Variants in POLH observed in about 807,000 individuals in gnomAD.
POLH encodes the protein DNA polymerase eta.
Under a neutral mutation model 73.6 loss-of-function variants are expected in POLH, and 53 were observed. The observed-to-expected ratio is 0.72, with a 90% CI of 0.58 to 0.91. POLH has a LOEUF of 0.91. POLH is among the 40% of genes least tolerant of loss of function. The probability of loss-of-function intolerance (pLI) is 0.00; values close to 1 mark genes in which losing one functional copy is unlikely to be tolerated. For missense variants in POLH, 768 were observed against 865.4 expected, an observed-to-expected ratio of 0.89 and a Z score of 1.41; for synonymous variants, 292 against 308.5, an observed-to-expected ratio of 0.95 and a Z score of 0.56.
At position 43,615,892 on chromosome 6, in the gene POLH, C is replaced by T. The variant is rs1205778492; in HGVS notation, c.*1335C>T. The stretch of plus-strand genomic sequence containing the variant: ...TTCACCATGTTGGCCAGGATGGTCT[C>T]GATTGCTTGACCTCATGATCCGCCT... On this transcript the variant is annotated 3_prime_UTR_variant, in exon 11 of 11. Transcript: ENST00000372236. 2.0e-5 allele frequency among the ~76,000 whole-genome samples: 3 copies of T among 151,846 alleles called. No homozygotes were observed. Among genetic ancestry groups the T allele is most frequent in the African/African-American group, 4.8e-5 (2 of 41,388 alleles).
At chr6:43,593,896 A>AAAAAAAAG (rs1554139794) in intron 4 of POLH, among the ~76,000 whole-genome samples, 2 of 146,156 alleles carry the variant, frequency 1.4e-5, no homozygotes, top group African/African-American at 5.1e-5. Flanking sequence ...AAAAAAAAAA[A>AAAAAAAAG]AAAGAAAGAA....
At chr6:43,607,046 C>G (rs1343579431) in intron 9 of POLH, among the ~76,000 whole-genome samples, 1 of 152,314 alleles carries the variant, frequency 6.6e-6, no homozygotes, top group East Asian at 1.9e-4. Flanking sequence ...AATATGTTTT[C>G]AGGTTCAGCC....
rs1336870864 is a variant in POLH, at chr6:43,579,912, TTTA to T, written c.-4-2403_-4-2401del. 7.9e-3 allele frequency among the ~76,000 whole-genome samples: 1,188 copies of T among 149,702 alleles called. 10 individuals are homozygous for T. Among genetic ancestry groups the T allele is most frequent in the African/African-American group, 0.028 (1,096 of 39,562 alleles). Reference sequence around the variant, plus strand: ...AGTGAAAGAATCTTTTTTTTTTTTTTTTAAATTTATTTTTTTATTGATAATTCT... The same window carrying T: ...AGTGAAAGAATCTTTTTTTTTTTTTTAATTTATTTTTTTATTGATAATTCT... On this transcript the variant is annotated intron_variant, in intron 1 of 10. Coordinates refer to ENST00000372236, the MANE Select transcript of POLH (RefSeq NM_006502.3).
At chr6:43,596,141 G>A (rs908506137) in intron 4 of POLH, among the ~76,000 whole-genome samples, 1 of 152,148 alleles carries the variant, frequency 6.6e-6, no homozygotes, top group Non-Finnish European at 1.5e-5. Context: ...CTTGCCATAA[G>A]CCCTAAAGTA....
At position 43,593,296 on chromosome 6, in the gene POLH, G is replaced by T. The variant is rs1367269732; in HGVS notation, c.491-4400G>T. On this transcript the variant is annotated intron_variant, in intron 4 of 10. Transcript: ENST00000372236. ...CCCCAAATTGACGTATAGATTCATT[G>T]CAGTCCCTTCCAAAATCCCACAGAA... Among the ~76,000 whole-genome samples the T allele has an allele frequency of 2.0e-5, 3 of 152,250 alleles. No individual in the cohort carries two copies. The East Asian group carries it at 5.8e-4, about 29-fold the overall frequency.
chr6:43,610,811 G>C, intron 10 of POLH, 88 bp downstream of exon 10: 1 of 1,121,694 alleles, frequency 8.9e-7, no homozygotes. Flanking sequence ...TTATCATAAA[G>C]TTCCTCATTG....
Position 43,604,661 on chromosome 6 carries a change from A to G in POLH, c.931A>G (p.Lys311Glu). The G allele has an allele frequency of 6.2e-7, 1 of 1,614,030 alleles. No individual in the cohort carries two copies. Among genetic ancestry groups the G allele is most frequent in the Non-Finnish European group, 8.5e-7 (1 of 1,179,896 alleles). The change falls in exon 8 of 11, where the codon AAA (lysine) becomes GAA (glutamate). Residue 311 changes from lysine (K) to glutamate (E), a missense_variant. Physicochemically the swap from Lys to Glu is moderately conservative, Grantham distance 56. Coordinates refer to ENST00000372236, the MANE Select transcript of POLH (RefSeq NM_006502.3). Reference sequence around the variant, plus strand: ...CCGAGGGATTGAACATGATCCAGTTAAACCCAGGCAACTACCCAAAACCAT... The same window carrying G: ...CCGAGGGATTGAACATGATCCAGTTGAACCCAGGCAACTACCCAAAACCAT... ...MCRGIEHDPV[K>E]PRQLPKTIGC...
At chr6:43,605,447 T>C (rs55737076) in intron 9 of POLH, 128 bp downstream of exon 9, 296 of 422,446 alleles carry the variant, frequency 7.0e-4, no homozygotes, top group African/African-American at 5.5e-3. Context: ...TTCTTTCTTT[T>C]TTTTTTTTTT....
At chr6:43,594,662 T>C (rs1048946054) in intron 4 of POLH, among the ~76,000 whole-genome samples, 2 of 152,142 alleles carry the variant, frequency 1.3e-5, no homozygotes, top group African/African-American at 2.4e-5. Flanking sequence ...AGCTGCACTC[T>C]AGCCTGGGCA....
At position 43,619,885 on chromosome 6, in the gene POLH, C is replaced by T. The variant is rs936016076; in HGVS notation, c.*5328C>T. ...TGGTAGGGAAGCTATCACTTTAATA[C>T]TCTAGAGGCAGAATGCCACATAGGA... On this transcript the variant is annotated 3_prime_UTR_variant, in exon 11 of 11. Coordinates refer to ENST00000372236, the MANE Select transcript of POLH (RefSeq NM_006502.3). Among the ~76,000 whole-genome samples the T allele has an allele frequency of 2.6e-5, 4 of 152,210 alleles. No individual in the cohort carries two copies. Among genetic ancestry groups the T allele is most frequent in the African/African-American group, 9.6e-5 (4 of 41,456 alleles).
intron 1 of POLH, among the ~76,000 whole-genome samples, chr6:43,579,492 G>GT (rs1763770761): frequency 6.6e-6 from 1 of 152,280 alleles, no homozygotes; most frequent in East Asian, 1.9e-4. Flanking sequence ...CTGGAGAGTG[G>GT]TGTTCCCAGG....
At chr6:43,606,369 A>G (rs1385171145) in intron 9 of POLH, among the ~76,000 whole-genome samples, 1 of 152,098 alleles carries the variant, frequency 6.6e-6, no homozygotes, top group Non-Finnish European at 1.5e-5. Context: ...TGACTTAAAA[A>G]AAAAATTCTG....
At position 43,587,320 on chromosome 6, in the gene POLH, T is replaced by C. The variant is rs1243154241; in HGVS notation, c.321T>C (p.Ala107=). The C allele has an allele frequency of 6.2e-7, 1 of 1,614,194 alleles. No homozygotes were observed. The highest frequency in any genetic ancestry group is 8.5e-7 in the Non-Finnish European group (1 of 1,180,006). Residue 107 remains alanine (A), a synonymous_variant, in exon 4 of 11, where the codon GCT becomes GCC. Transcript: ENST00000372236. ...VEVMEIMSRF[A]VIERASIDEA... ...TGATGGAGATAATGTCTCGTTTTGC[T>C]GTGATTGAACGTGCCAGCATTGATG...
rs1427178864 is a variant in POLH at position 43,618,640 on chromosome 6, ATTTT to A, written c.*4087_*4090del. On this transcript the variant is annotated 3_prime_UTR_variant, in exon 11 of 11. Coordinates refer to ENST00000372236, the MANE Select transcript of POLH (RefSeq NM_006502.3). The stretch of plus-strand genomic sequence containing the variant: ...CTCCCATACATATACCCAAACTTCT[ATTTT>A]TTTATGTGACGGAGTTTCTCTCATC... Among the ~76,000 whole-genome samples the A allele has an allele frequency of 6.6e-6, 1 of 151,712 alleles. No homozygotes were observed. The highest frequency in any genetic ancestry group is 1.5e-5 in the Non-Finnish European group (1 of 67,884).
rs1225512822 is a variant in POLH at position 43,619,896 on chromosome 6, G to C, written c.*5339G>C. The stretch of plus-strand genomic sequence containing the variant: ...CTATCACTTTAATACTCTAGAGGCA[G>C]AATGCCACATAGGACTTTGGGTCAC... On this transcript the variant is annotated 3_prime_UTR_variant, in exon 11 of 11. Transcript: ENST00000372236. 2.0e-5 allele frequency among the ~76,000 whole-genome samples: 3 copies of C among 152,178 alleles called. No homozygotes were observed. The highest frequency in any genetic ancestry group is 4.8e-5 in the African/African-American group (2 of 41,446).
intron 10 of POLH, among the ~76,000 whole-genome samples, chr6:43,611,487 TG>T (rs1372034566): frequency 1.3e-5 from 2 of 152,238 alleles, no homozygotes; most frequent in Non-Finnish European, 2.9e-5. Context: ...AGCCTCTTTT[TG>T]GAGCATCTTC....
At chr6:43,606,562 G>A (rs1008683072) in intron 9 of POLH, among the ~76,000 whole-genome samples, 15 of 151,954 alleles carry the variant, frequency 9.9e-5, no homozygotes, top group African/African-American at 3.6e-4. Context: ...CCGAGTAACC[G>A]GGATTACAGG....
chr6:43,580,610 C>CA (rs1763973853), intron 1 of POLH, among the ~76,000 whole-genome samples: 4 of 125,314 alleles, frequency 3.2e-5, no homozygotes, highest in African/African-American at 1.4e-4. Context: ...CCAGTAGGGG[C>CA]GGCCGGGCAG....
At chr6:43,611,119 C>CCTGGGAGAAAATAGACTA (rs1333074354) in intron 10 of POLH, among the ~76,000 whole-genome samples, 3 of 152,162 alleles carry the variant, frequency 2.0e-5, no homozygotes, top group Non-Finnish European at 4.4e-5. Flanking sequence ...ACTACCAGTA[C>CCTGGGAGAAAATAGACTA]CTGTTACTCT....
Sources: gnomAD v4.1 joint callset for allele counts (sites outside exome capture counted in the v4.1 genomes callset) on GRCh38, gnomAD v4.1.1 for gene constraint, MANE v1.5 for transcripts, NCBI Gene and HGNC (gene_info 2026-07-23, HGNC 2026-07-21) for gene names.